PTK2: variants seen among roughly 807,000 people sequenced by gnomAD.
PTK2 encodes the protein protein tyrosine kinase 2, also known as focal adhesion kinase 1.
PTK2 carries 45 observed loss-of-function variants against 150.1 expected under a neutral mutation model. The observed-to-expected ratio is 0.30, with a 90% CI of 0.24 to 0.38. The LOEUF (loss-of-function observed/expected upper bound fraction) is 0.38. PTK2 is among the 10% of genes least tolerant of loss of function. PTK2 has a pLI of 1.00. For missense variants in PTK2, 919 were observed against 1,307.3 expected, an observed-to-expected ratio of 0.70 and a Z score of 4.58; for synonymous variants, 432 against 449.2, an observed-to-expected ratio of 0.96 and a Z score of 0.48.
chr8:140,930,464 CAACT>C (rs1180447450), intron 1 of PTK2, among the ~76,000 whole-genome samples: 1 of 152,128 alleles, frequency 6.6e-6, no homozygotes, highest in Non-Finnish European at 1.5e-5. Flanking sequence ...AAAACATAGA[CAACT>C]GATGCTTTTT....
At chr8:140,929,125 C>T (rs972043662) in intron 1 of PTK2, among the ~76,000 whole-genome samples, 14 of 149,806 alleles carry the variant, frequency 9.3e-5, no homozygotes, top group Non-Finnish European at 1.8e-4. Context: ...GCCACTACGC[C>T]CGGCTAATTT....
chr8:140,737,110 TC>T, intron 21 of PTK2, among the ~76,000 whole-genome samples: 3 of 152,336 alleles, frequency 2.0e-5, no homozygotes, highest in Middle Eastern at 6.8e-3. Context: ...CTTAATGTGT[TC>T]CTGGCACACT....
intron 1 of PTK2, among the ~76,000 whole-genome samples, chr8:140,966,334 C>T (rs1169201561): frequency 6.6e-6 from 1 of 152,142 alleles, no homozygotes; most frequent in Non-Finnish European, 1.5e-5. Context: ...TTCTGATAAC[C>T]GCTTTTTGCT....
At chr8:140,891,027 A>G (rs1458753543) in intron 2 of PTK2, among the ~76,000 whole-genome samples, 1 of 152,162 alleles carries the variant, frequency 6.6e-6, no homozygotes, top group Non-Finnish European at 1.5e-5. Context: ...AGCTGTGTCA[A>G]AAAGTATCTA....
chr8:140,938,607 C>G (rs1382255103), intron 1 of PTK2, among the ~76,000 whole-genome samples: 4 of 152,226 alleles, frequency 2.6e-5, no homozygotes, highest in Non-Finnish European at 5.9e-5. Flanking sequence ...CTTGTGGGAA[C>G]TGCCCTGCCA....
intron 10 of PTK2, among the ~76,000 whole-genome samples, chr8:140,813,949 C>A (rs896812315): frequency 1.3e-5 from 2 of 151,848 alleles, no homozygotes; most frequent in African/African-American, 4.8e-5. Context: ...TAAGTAAACA[C>A]AACTAGAAAT....
intron 23 of PTK2, among the ~76,000 whole-genome samples, chr8:140,715,834 T>C (rs1308952435): frequency 1.3e-5 from 2 of 152,220 alleles, no homozygotes; most frequent in African/African-American, 4.8e-5. Flanking sequence ...CTAGTCTTTG[T>C]ACTCTGAAAC....
chr8:140,883,201 A>C (rs1008646730), intron 3 of PTK2, among the ~76,000 whole-genome samples: 1 of 152,158 alleles, frequency 6.6e-6, no homozygotes, highest in African/African-American at 2.4e-5. Context: ...CTGTTCATTC[A>C]TTTATTCATG....
chr8:140,754,559 A>G (rs1281346158), intron 16 of PTK2, among the ~76,000 whole-genome samples: 1 of 152,246 alleles, frequency 6.6e-6, no homozygotes, highest in Non-Finnish European at 1.5e-5. Context: ...CCTTAAAACC[A>G]TCATTAATCC....
intron 1 of PTK2, among the ~76,000 whole-genome samples, chr8:140,932,927 C>A (rs2100172392): frequency 6.6e-6 from 1 of 151,940 alleles, no homozygotes; most frequent in African/African-American, 2.4e-5. Context: ...TCTCGGCTCA[C>A]TGTAACCTCT....
At chr8:140,662,757 A>G (rs1588771460) in intron 31 of PTK2, 3 of 584,734 alleles carry the variant, frequency 5.1e-6, no homozygotes, top group South Asian at 4.1e-5. Flanking sequence ...TGATGCTGAG[A>G]AGGATTCAGC....
chr8:140,912,331 T>A (rs981781834), intron 2 of PTK2, among the ~76,000 whole-genome samples: 1 of 151,384 alleles, frequency 6.6e-6, no homozygotes, highest in African/African-American at 2.4e-5. Flanking sequence ...CAGGTTGTTT[T>A]AACATTAAAA....
At chr8:140,771,442 C>A (rs2100075449) in intron 14 of PTK2, 1 of 152,112 alleles carries the variant, frequency 6.6e-6, no homozygotes, top group African/African-American at 2.4e-5. Flanking sequence ...AAGCATATAG[C>A]AAAATGAGAA....
chr8:140,908,505 C>G (rs1175179075), intron 2 of PTK2, among the ~76,000 whole-genome samples: 1 of 152,222 alleles, frequency 6.6e-6, no homozygotes, highest in African/African-American at 2.4e-5. Flanking sequence ...AGGACTTTGA[C>G]AGCTAGAGGT....
At chr8:140,967,779 A>G (rs367930619) in intron 1 of PTK2, among the ~76,000 whole-genome samples, 9 of 151,976 alleles carry the variant, frequency 5.9e-5, no homozygotes, top group Non-Finnish European at 1.0e-4. Context: ...TTCTTAATCC[A>G]TATCCTAACA....
At chr8:140,706,649 A>C (rs994093767) in intron 23 of PTK2, among the ~76,000 whole-genome samples, 3 of 152,214 alleles carry the variant, frequency 2.0e-5, no homozygotes, top group Non-Finnish European at 4.4e-5. Context: ...TGGTGTAGTC[A>C]CTATGGAAGA....
chr8:140,686,808 T>C (rs760352663), intron 26 of PTK2, 114 bp from the exon 30 acceptor site: 157 of 927,684 alleles, frequency 1.7e-4, no homozygotes, highest in African/African-American at 3.5e-4. Context: ...ATAAGAAGAG[T>C]TGAAAGTTCC....
intron 31 of PTK2, among the ~76,000 whole-genome samples, chr8:140,664,426 C>T (rs1312698861): frequency 2.0e-5 from 3 of 152,302 alleles, no homozygotes; most frequent in African/African-American, 7.2e-5. Context: ...GCTACCATGC[C>T]TGGCCTAAAA....
intron 13 of PTK2, 56 bp from the exon 14 acceptor site, chr8:140,789,582 C>T (rs2100087232): frequency 1.3e-6 from 2 of 1,561,940 alleles, no homozygotes; most frequent in East Asian, 2.3e-5. Flanking sequence ...GACCCCGCAA[C>T]TCGGCCTCAT....
Sources: gnomAD v4.1 joint callset for allele counts (sites outside exome capture counted in the v4.1 genomes callset) on GRCh38, gnomAD v4.1.1 for gene constraint, MANE v1.5 for transcripts, NCBI Gene and HGNC (gene_info 2026-07-23, HGNC 2026-07-21) for gene names.